Variants in CACNA2D1 observed in about 807,000 individuals in gnomAD.
CACNA2D1 encodes the protein calcium voltage-gated channel auxiliary subunit alpha2delta 1, also known as voltage-dependent calcium channel subunit alpha-2/delta-1.
CACNA2D1 carries 53 observed loss-of-function variants against 171.5 expected under a neutral mutation model. That is an observed-to-expected ratio of 0.31 (90% CI 0.25 to 0.39). The LOEUF (loss-of-function observed/expected upper bound fraction) is 0.39. Ranked by LOEUF, CACNA2D1 falls within the 10% of genes least tolerant of loss-of-function variation. The pLI, the probability that CACNA2D1 is intolerant of heterozygous loss-of-function variation, is 1.00. For synonymous variants in CACNA2D1, 442 were observed against 443.1 expected (o/e 1.00, Z 0.03); for missense variants, 903 against 1,299.8 (o/e 0.69, Z 4.69).
At chr7:82,142,442 T>C (rs258720) in intron 4 of CACNA2D1, among the ~76,000 whole-genome samples, 15,873 of 152,180 alleles carry the variant, frequency 0.1, 1,038 homozygotes, top group Middle Eastern at 0.24. Flanking sequence ...TGCCACTTGC[T>C]CACAAATGTG....
rs73705436 is a variant in CACNA2D1 at position 82,007,534 on chromosome 7, G to A, written c.1440+145C>T. ...ATTTCCTTTTTCCCAGGTGGTTATCGCATAGGCAGCTGTTGCCTTTGACCT... is the reference window on the plus strand; with the variant it reads ...ATTTCCTTTTTCCCAGGTGGTTATCACATAGGCAGCTGTTGCCTTTGACCT... On this transcript the variant is annotated intron_variant, in intron 16 of 38. Transcript: ENST00000356860. The A allele has an allele frequency of 5.6e-3, 3,339 of 599,810 alleles. 80 individuals are homozygous for A. The highest frequency in any genetic ancestry group is 0.056 in the African/African-American group (2,981 of 53,648). The allele number at this position is 599,810 out of a possible 1,614,324, so 37.2% of individuals were successfully genotyped here.
At chr7:82,001,762 AG>A in intron 18 of CACNA2D1, 1 of 711,572 alleles carries the variant, frequency 1.4e-6, no homozygotes, top group Non-Finnish European at 2.2e-6. Context: ...ATGTCAACAT[AG>A]GTACGGGTTC....
At chr7:82,004,952 T>C (rs1231853913) in intron 18 of CACNA2D1, among the ~76,000 whole-genome samples, 2 of 152,154 alleles carry the variant, frequency 1.3e-5, no homozygotes, top group Non-Finnish European at 1.5e-5. Context: ...TTATACAATC[T>C]CTTACATCTG....
chr7:82,163,794 C>A (rs989373368), intron 4 of CACNA2D1, among the ~76,000 whole-genome samples: 8 of 151,914 alleles, frequency 5.3e-5, no homozygotes, highest in African/African-American at 1.9e-4. Context: ...CTAGACTAGG[C>A]AAATATCCAT....
At chr7:82,102,467 T>C (rs1812790995) in intron 6 of CACNA2D1, among the ~76,000 whole-genome samples, 1 of 151,954 alleles carries the variant, frequency 6.6e-6, no homozygotes, top group Admixed American at 6.6e-5. Flanking sequence ...TATATACACA[T>C]GCATATATAC....
intron 1 of CACNA2D1, among the ~76,000 whole-genome samples, chr7:82,425,329 C>A (rs549027791): frequency 1.3e-5 from 2 of 152,060 alleles, no homozygotes; most frequent in African/African-American, 2.4e-5. Context: ...TAGCCCCATA[C>A]GGGAATGCAG....
At chr7:82,137,819 G>GC (rs1415589761) in intron 4 of CACNA2D1, among the ~76,000 whole-genome samples, 1 of 151,804 alleles carries the variant, frequency 6.6e-6, no homozygotes, top group African/African-American at 2.4e-5. Context: ...GGCGGAGCTT[G>GC]CAGTGAGCTG....
At chr7:82,285,085 C>A (rs1479918238) in intron 3 of CACNA2D1, among the ~76,000 whole-genome samples, 1 of 152,028 alleles carries the variant, frequency 6.6e-6, no homozygotes, top group Non-Finnish European at 1.5e-5. Flanking sequence ...CCACAACCAC[C>A]CCCAGTGCTG....
chr7:82,066,923 G>T (rs1046191647), intron 7 of CACNA2D1, among the ~76,000 whole-genome samples: 2 of 151,844 alleles, frequency 1.3e-5, no homozygotes, highest in Admixed American at 6.6e-5. Flanking sequence ...TATTCTCTTG[G>T]TCTATATAAG....
chr7:82,040,800 C>T (rs1803864653), intron 10 of CACNA2D1, among the ~76,000 whole-genome samples: 1 of 152,036 alleles, frequency 6.6e-6, no homozygotes, highest in Non-Finnish European at 1.5e-5. Flanking sequence ...CATGGAGAAA[C>T]CCCGTCTCTA....
chr7:82,273,984 C>T (rs75950879), intron 3 of CACNA2D1, among the ~76,000 whole-genome samples: 3,560 of 152,196 alleles, frequency 0.023, 109 homozygotes, highest in East Asian at 0.1. Flanking sequence ...GTCATTGTAA[C>T]ACACTGTGAC....
At chr7:82,014,547 G>A (rs1800190488) in intron 12 of CACNA2D1, 68 bp from the exon 13 acceptor site, 2 of 853,682 alleles carry the variant, frequency 2.3e-6, no homozygotes, top group East Asian at 2.5e-5. Flanking sequence ...AAATAAAACA[G>A]CTAAAATTTC....
chr7:82,083,934 G>T (rs2129010317), intron 7 of CACNA2D1, among the ~76,000 whole-genome samples: 1 of 152,198 alleles, frequency 6.6e-6, no homozygotes, highest in South Asian at 2.1e-4. Context: ...GAAGAATTAT[G>T]CTGTTTAAGG....
intron 10 of CACNA2D1, among the ~76,000 whole-genome samples, chr7:82,046,598 C>T (rs917825302): frequency 6.6e-6 from 1 of 152,102 alleles, no homozygotes; most frequent in African/African-American, 2.4e-5. Flanking sequence ...AAGGGTTTTT[C>T]TAGATTAGGT....
intron 3 of CACNA2D1, among the ~76,000 whole-genome samples, chr7:82,206,521 C>T (rs12707480): frequency 0.6 from 91,739 of 151,862 alleles, 28,531 homozygotes; most frequent in East Asian, 0.81. Flanking sequence ...ACTTAGGAAA[C>T]AAAATAATTA....
intron 10 of CACNA2D1, among the ~76,000 whole-genome samples, chr7:82,053,465 A>G (rs1282125796): frequency 6.6e-6 from 1 of 152,138 alleles, no homozygotes; most frequent in African/African-American, 2.4e-5. Flanking sequence ...TGAAATAATA[A>G]AATTAAACAA....
intron 5 of CACNA2D1, among the ~76,000 whole-genome samples, chr7:82,123,541 C>A (rs765094913): frequency 1.3e-5 from 2 of 152,070 alleles, no homozygotes; most frequent in African/African-American, 4.8e-5. Flanking sequence ...CAAAATTTTA[C>A]CCTTAAGTCT....
intron 6 of CACNA2D1, among the ~76,000 whole-genome samples, chr7:82,094,963 T>C (rs972025448): frequency 1.3e-5 from 2 of 152,088 alleles, no homozygotes; most frequent in Admixed American, 1.3e-4. Context: ...AATATTCTAC[T>C]TGGCAAATGT....
intron 1 of CACNA2D1, among the ~76,000 whole-genome samples, chr7:82,415,124 C>T (rs1179206188): frequency 1.3e-5 from 2 of 152,150 alleles, no homozygotes; most frequent in African/African-American, 4.8e-5. Context: ...AAACCTGGAG[C>T]AGATCCCCTG....
Sources: gnomAD v4.1 joint callset for allele counts (sites outside exome capture counted in the v4.1 genomes callset) on GRCh38, gnomAD v4.1.1 for gene constraint, MANE v1.5 for transcripts, NCBI Gene and HGNC (gene_info 2026-07-23, HGNC 2026-07-21) for gene names.